The following DDX46 variants were observed in gnomAD, a reference collection of about 807,000 sequenced individuals.
The protein encoded by DDX46 is probable ATP-dependent RNA helicase DDX46.
A neutral mutation model predicts 134.9 loss-of-function variants in DDX46; 30 were observed. That is an observed-to-expected ratio of 0.22 (90% CI 0.17 to 0.30). The LOEUF (loss-of-function observed/expected upper bound fraction) is 0.30. Among genes scored for constraint, DDX46 ranks in the 10% least tolerant of loss-of-function variants. DDX46 has a pLI of 1.00. For synonymous variants in DDX46, 415 were observed against 404.1 expected (o/e 1.03, Z -0.32); for missense variants, 622 against 1,248.7 (o/e 0.50, Z 7.56).
At chr5:134,799,293 A>C (rs947388529) in intron 15 of DDX46, among the ~76,000 whole-genome samples, 1 of 150,676 alleles carries the variant, frequency 6.6e-6, no homozygotes, top group African/African-American at 2.4e-5. Context: ...CATATCATTA[A>C]CACTAGTTCA....
At chr5:134,826,756 A>T in intron 21 of DDX46, 191 bp from the exon 22 acceptor site, 1 of 507,854 alleles carries the variant, frequency 2.0e-6, no homozygotes, top group Non-Finnish European at 3.5e-6. Context: ...GAAACTCTGA[A>T]AGTAATCAAA....
chr5:134,782,125 C>T (rs758575373), intron 8 of DDX46, 39 bp downstream of exon 8: 1 of 1,531,154 alleles, frequency 6.5e-7, no homozygotes, highest in Admixed American at 2.2e-5. Context: ...TATAAGGGAA[C>T]AGAAGAGGAT....
At chr5:134,775,393 T>C (rs1343649319) in intron 5 of DDX46, among the ~76,000 whole-genome samples, 1 of 152,142 alleles carries the variant, frequency 6.6e-6, no homozygotes, top group Non-Finnish European at 1.5e-5. Flanking sequence ...TTCCAAAGAA[T>C]GGTTTAAATA....
chr5:134,775,540 A>G (rs1429543291), intron 5 of DDX46, among the ~76,000 whole-genome samples: 1 of 151,604 alleles, frequency 6.6e-6, no homozygotes, highest in East Asian at 2.0e-4. Flanking sequence ...CCTCCTGAGT[A>G]GCTGGGATTA....
Position 134,783,044 on chromosome 5 carries a change from A to G in DDX46, c.1145A>G (p.Lys382Arg). The stretch of plus-strand genomic sequence containing the variant: ...TGGGTCCAGTGTGGAATTTCCATGA[A>G]GATCTTAAATTCCCTCAAGAAGTAA... ...KSWVQCGISM[K>R]ILNSLKKHGY... Residue 382 changes from lysine to arginine, a missense_variant, in exon 9 of 23, where the codon AAG becomes AGG. By Grantham distance (26) the Lys-to-Arg change is conservative. Around this residue, in one of 8 missense-constraint regions of DDX46, gnomAD observed 63 missense variants for 84.0 expected, o/e 0.75. Coordinates refer to ENST00000452510, the MANE Select transcript of DDX46 (RefSeq NM_001300860.2). 2 of 1,613,532 alleles carry G rather than the reference A, an allele frequency of 1.2e-6. No individual in the cohort carries two copies. The highest frequency in any genetic ancestry group is 1.7e-6 in the Non-Finnish European group (2 of 1,179,646).
chr5:134,763,875 T>G (rs1753473128), intron 1 of DDX46, 29 bp from the exon 2 acceptor site: 1 of 1,587,024 alleles, frequency 6.3e-7, no homozygotes. Context: ...TGGTGTTTGC[T>G]GAACTTAATC....
intron 15 of DDX46, among the ~76,000 whole-genome samples, chr5:134,805,491 C>T (rs986949292): frequency 4.0e-5 from 6 of 151,006 alleles, no homozygotes; most frequent in African/African-American, 7.3e-5. Context: ...TAAACAAATC[C>T]AGTATTTAAA....
chr5:134,824,755 T>C (rs781372156), intron 21 of DDX46, among the ~76,000 whole-genome samples: 2 of 152,210 alleles, frequency 1.3e-5, no homozygotes, highest in African/African-American at 2.4e-5. Flanking sequence ...AAAACAGGTG[T>C]TGCTACTGTG....
intron 2 of DDX46, among the ~76,000 whole-genome samples, chr5:134,765,612 C>T (rs1271390075): frequency 6.6e-6 from 1 of 151,980 alleles, no homozygotes; most frequent in African/African-American, 2.4e-5. Context: ...TTAAAAAAAG[C>T]TTTTCATAGA....
chr5:134,812,713 C>A (rs1580814375), intron 18 of DDX46, among the ~76,000 whole-genome samples: 1 of 151,954 alleles, frequency 6.6e-6, no homozygotes, highest in Non-Finnish European at 1.5e-5. Flanking sequence ...CTCAGCTCAA[C>A]TGCAACCTCT....
At chr5:134,803,133 A>G (rs1434468378) in intron 15 of DDX46, among the ~76,000 whole-genome samples, 2 of 152,134 alleles carry the variant, frequency 1.3e-5, no homozygotes, top group South Asian at 4.1e-4. Flanking sequence ...AGCTGGGATG[A>G]CAGGTGCGTG....
At chr5:134,784,772 C>T (rs1754279029) in intron 10 of DDX46, 3 of 270,190 alleles carry the variant, frequency 1.1e-5, no homozygotes, top group Non-Finnish European at 2.1e-5. Flanking sequence ...CCTGGCACAG[C>T]TCAGTTTTTA....
chr5:134,760,507 C>T (rs1753344333), intron 1 of DDX46, among the ~76,000 whole-genome samples: 1 of 152,208 alleles, frequency 6.6e-6, no homozygotes, highest in East Asian at 1.9e-4. Flanking sequence ...GTTTGTGAAC[C>T]TTTGAAGATT....
At chr5:134,778,610 A>G (rs1413692544) in intron 6 of DDX46, among the ~76,000 whole-genome samples, 2 of 151,774 alleles carry the variant, frequency 1.3e-5, no homozygotes, top group African/African-American at 4.8e-5. Context: ...GTCTCGCTCT[A>G]TTGCCCAAGC....
intron 19 of DDX46, chr5:134,816,856 G>T: frequency 2.4e-6 from 1 of 418,094 alleles, no homozygotes; most frequent in Non-Finnish European, 4.3e-6. Flanking sequence ...GTAGTATTCT[G>T]ATGAGTCTTA....
At chr5:134,814,782 A>G (rs1755240787) in intron 18 of DDX46, among the ~76,000 whole-genome samples, 1 of 152,148 alleles carries the variant, frequency 6.6e-6, no homozygotes, top group African/African-American at 2.4e-5. Context: ...TGCCTGGGTA[A>G]CTTTTATATT....
At chr5:134,785,387 T>C in intron 10 of DDX46, 78 bp from the exon 11 acceptor site, 1 of 1,404,940 alleles carries the variant, frequency 7.1e-7, no homozygotes, top group Non-Finnish European at 9.3e-7. Context: ...AACTTTATTG[T>C]AAAGGTTAAA....
At chr5:134,818,794 T>C in intron 20 of DDX46, 66 bp from the exon 21 acceptor site, 1 of 1,470,168 alleles carries the variant, frequency 6.8e-7, no homozygotes. Context: ...CTAGTCTTTG[T>C]CAGCACTCCT....
chr5:134,792,790 T>A (rs1381661970), intron 13 of DDX46, among the ~76,000 whole-genome samples: 1 of 152,202 alleles, frequency 6.6e-6, no homozygotes, highest in African/African-American at 2.4e-5. Flanking sequence ...CTTAGGTACA[T>A]GTATGTGCGT....
Sources: allele counts gnomAD v4.1 joint callset (sites outside exome capture counted in the v4.1 genomes callset), GRCh38; gene constraint gnomAD v4.1.1; regional missense constraint gnomAD v4.1.1; transcripts MANE v1.5; gene names NCBI Gene and HGNC (gene_info 2026-07-23, HGNC 2026-07-21).